The following PDE4D variants were observed in gnomAD, a reference collection of about 807,000 sequenced individuals.
PDE4D encodes the protein phosphodiesterase 4D.
In PDE4D, 24 loss-of-function variants were observed where a neutral mutation model predicts 87.4. That is an observed-to-expected ratio of 0.27 (90% CI 0.20 to 0.39). The LOEUF is 0.39. PDE4D is among the 10% of genes least tolerant of loss of function. The pLI, the probability that PDE4D is intolerant of heterozygous loss-of-function variation, is 1.00. For missense variants in PDE4D, 714 were observed against 1,041.0 expected, an observed-to-expected ratio of 0.69 and a Z score of 4.32; for synonymous variants, 384 against 383.2, an observed-to-expected ratio of 1.00 and a Z score of -0.02.
At chr5:59,377,098 C>T (rs1473559998) in intron 1 of PDE4D, among the ~76,000 whole-genome samples, 1 of 152,040 alleles carries the variant, frequency 6.6e-6, no homozygotes, top group African/African-American at 2.4e-5. Context: ...CTAGGCAATA[C>T]CATCTTGGAC....
chr5:59,858,824 A>G (rs1581455465), intron 1 of PDE4D, among the ~76,000 whole-genome samples: 1 of 152,214 alleles, frequency 6.6e-6, no homozygotes, highest in Admixed American at 6.5e-5. Flanking sequence ...GAAAATGGGT[A>G]CCAGTCTCAA....
intron 5 of PDE4D, among the ~76,000 whole-genome samples, chr5:59,103,020 T>C (rs975003496): frequency 3.3e-5 from 5 of 152,200 alleles, no homozygotes; most frequent in Non-Finnish European, 7.3e-5. Flanking sequence ...AAGCAGCTTC[T>C]AATTAGAAGT....
intron 2 of PDE4D, 192 bp downstream of exon 2, chr5:59,215,585 G>A: frequency 1.8e-6 from 1 of 543,506 alleles, no homozygotes; most frequent in Non-Finnish European, 3.3e-6. Context: ...GTGTGTGTGT[G>A]TGTTAATCAA....
intron 1 of PDE4D, among the ~76,000 whole-genome samples, chr5:60,352,494 A>G (rs1759288784): frequency 6.6e-6 from 1 of 152,226 alleles, no homozygotes; most frequent in South Asian, 2.1e-4. Flanking sequence ...AGTAAAACTA[A>G]ATGGCTTACC....
intron 5 of PDE4D, among the ~76,000 whole-genome samples, chr5:59,127,600 T>TCCCCGCCC (rs1170462233): frequency 1.0e-5 from 1 of 97,002 alleles, no homozygotes; most frequent in African/African-American, 4.0e-5. Flanking sequence ...CTTCTTTCCC[T>TCCCCGCCC]CCCCACCCCC....
intron 1 of PDE4D, chr5:59,768,645 TGTA>T: frequency 6.6e-7 from 1 of 1,516,436 alleles, no homozygotes; most frequent in Non-Finnish European, 8.8e-7. Flanking sequence ...TCAGTCTCTC[TGTA>T]GAGCCTGGGG....
chr5:59,898,895 C>T (rs1313206434), intron 3 of PDE4D, among the ~76,000 whole-genome samples: 2 of 151,942 alleles, frequency 1.3e-5, no homozygotes, highest in African/African-American at 4.8e-5. Context: ...ACAGATATGA[C>T]AGAAGGAAGG....
chr5:59,366,655 G>T (rs985124735), intron 1 of PDE4D, among the ~76,000 whole-genome samples: 1 of 152,092 alleles, frequency 6.6e-6, no homozygotes, highest in Non-Finnish European at 1.5e-5. Flanking sequence ...TAGGTGAGTT[G>T]TTTTTGGGTT....
intron 1 of PDE4D, among the ~76,000 whole-genome samples, chr5:59,714,133 G>T (rs1389446241): frequency 1.3e-5 from 2 of 152,168 alleles, no homozygotes; most frequent in African/African-American, 4.8e-5. Flanking sequence ...TCCCCATCAT[G>T]GAAGAAAAGG....
intron 5 of PDE4D, among the ~76,000 whole-genome samples, chr5:59,175,605 C>T (rs1361066429): frequency 6.7e-6 from 1 of 149,974 alleles, no homozygotes; most frequent in African/African-American, 2.4e-5. Context: ...CTCAGCCTCC[C>T]GAGTAGCTGG....
intron 1 of PDE4D, among the ~76,000 whole-genome samples, chr5:59,644,115 G>A (rs546465630): frequency 6.6e-6 from 1 of 152,298 alleles, no homozygotes; most frequent in East Asian, 1.9e-4. Flanking sequence ...GGAAAGCCAG[G>A]TGACCATATT....
intron 2 of PDE4D, among the ~76,000 whole-genome samples, chr5:60,003,057 T>C (rs1764155522): frequency 6.6e-6 from 1 of 152,152 alleles, no homozygotes; most frequent in Admixed American, 6.6e-5. Context: ...TCAGCAAATT[T>C]ACAAGATATA....
chr5:60,280,276 T>A (rs1751765587), intron 1 of PDE4D, among the ~76,000 whole-genome samples: 1 of 151,068 alleles, frequency 6.6e-6, no homozygotes, highest in Admixed American at 6.6e-5. Context: ...GCCTTCTGCC[T>A]TCTCTCCATA....
At chr5:59,793,864 T>C (rs973808477) in intron 1 of PDE4D, among the ~76,000 whole-genome samples, 1 of 152,228 alleles carries the variant, frequency 6.6e-6, no homozygotes, top group African/African-American at 2.4e-5. Context: ...ATTGCATTTT[T>C]AAGTGTTACT....
chr5:60,039,287 G>A (rs1237167470), intron 2 of PDE4D, among the ~76,000 whole-genome samples: 2 of 152,062 alleles, frequency 1.3e-5, no homozygotes, highest in Non-Finnish European at 1.5e-5. Flanking sequence ...CCTTTGTAGG[G>A]ACATGGATGA....
At chr5:59,632,555 C>T (rs1831709214) in intron 1 of PDE4D, among the ~76,000 whole-genome samples, 1 of 152,218 alleles carries the variant, frequency 6.6e-6, no homozygotes, top group Non-Finnish European at 1.5e-5. Flanking sequence ...GAGCAGGGAG[C>T]AATTTTTGCT....
Position 58,972,628 on chromosome 5 carries a change from TTCTA to T in PDE4D, c.*2032_*2035del, listed in dbSNP as rs780381459. ...CCACTTGTCAGATACCCACTTTGGC[TTCTA>T]TCTATCTCAATTCTTGAATATCAAT... On this transcript the variant is annotated 3_prime_UTR_variant, in exon 15 of 15. Transcript: ENST00000340635. The T allele has an allele frequency of 3.9e-5, 6 of 152,300 alleles. No individual in the cohort carries two copies. Among genetic ancestry groups the T allele is most frequent in the South Asian group, 2.1e-4 (1 of 4,828 alleles). 9.4% of individuals were successfully genotyped at this position (152,300 alleles called of 1,614,324 possible).
intron 1 of PDE4D, among the ~76,000 whole-genome samples, chr5:59,865,397 C>A (rs968838638): frequency 3.9e-5 from 6 of 152,128 alleles, no homozygotes; most frequent in Non-Finnish European, 7.4e-5. Context: ...AGGATTAAAT[C>A]CCAGTTGAGC....
intron 1 of PDE4D, among the ~76,000 whole-genome samples, chr5:60,300,427 G>A (rs996653086): frequency 6.6e-6 from 1 of 151,954 alleles, no homozygotes; most frequent in African/African-American, 2.4e-5. Context: ...GTCAATTTCT[G>A]CTTTTGTTGC....
Sources: gnomAD v4.1 joint callset for allele counts (sites outside exome capture counted in the v4.1 genomes callset) on GRCh38, gnomAD v4.1.1 for gene constraint, MANE v1.5 for transcripts, NCBI Gene and HGNC (gene_info 2026-07-23, HGNC 2026-07-21) for gene names.